CACNB4: variants seen among roughly 807,000 people sequenced by gnomAD.
CACNB4 encodes the protein voltage-dependent L-type calcium channel subunit beta-4.
CACNB4 carries 32 observed loss-of-function variants against 71.2 expected under a neutral mutation model. That is an observed-to-expected ratio of 0.45 (90% confidence interval 0.34 to 0.60). CACNB4 has a LOEUF of 0.60. Among genes scored for constraint, CACNB4 ranks in the 20% least tolerant of loss-of-function variants. CACNB4 has a pLI of 0.01. For missense variants in CACNB4, 464 were observed against 647.9 expected (o/e 0.72, Z 3.08); for synonymous variants, 231 against 236.9 (o/e 0.97, Z 0.23).
At chr2:152,063,455 C>A (rs946854880) in intron 2 of CACNB4, among the ~76,000 whole-genome samples, 2 of 152,172 alleles carry the variant, frequency 1.3e-5, no homozygotes, top group African/African-American at 4.8e-5. Context: ...AGAGTCAGAA[C>A]CTGAACCCAG....
At chr2:151,862,536 G>C (rs1270773972) in intron 9 of CACNB4, among the ~76,000 whole-genome samples, 1 of 152,190 alleles carries the variant, frequency 6.6e-6, no homozygotes, top group African/African-American at 2.4e-5. Flanking sequence ...ATACACCTCA[G>C]GGACTGTTCT....
chr2:151,937,145 C>T (rs747855719), intron 2 of CACNB4, among the ~76,000 whole-genome samples: 1 of 152,164 alleles, frequency 6.6e-6, no homozygotes, highest in Non-Finnish European at 1.5e-5. Context: ...TCATCGGAAA[C>T]CACTGAAATT....
At chr2:151,891,121 C>T (rs2099850625) in intron 2 of CACNB4, among the ~76,000 whole-genome samples, 1 of 152,054 alleles carries the variant, frequency 6.6e-6, no homozygotes, top group African/African-American at 2.4e-5. Flanking sequence ...ATTGATTTAA[C>T]AGGAAGTAAT....
intron 2 of CACNB4, among the ~76,000 whole-genome samples, chr2:151,913,875 G>T (rs10189865): frequency 3.9e-5 from 6 of 152,092 alleles, no homozygotes; most frequent in Non-Finnish European, 4.4e-5. Flanking sequence ...CTTTGCAGGT[G>T]ACCTGGCCTT....
At chr2:151,919,664 A>G (rs1374054802) in intron 2 of CACNB4, among the ~76,000 whole-genome samples, 1 of 151,742 alleles carries the variant, frequency 6.6e-6, no homozygotes, top group Non-Finnish European at 1.5e-5. Context: ...GCCTCGCCAT[A>G]CTCCCAGCCC....
chr2:151,906,930 T>C (rs1054457243), intron 2 of CACNB4, among the ~76,000 whole-genome samples: 1 of 152,242 alleles, frequency 6.6e-6, no homozygotes, highest in African/African-American at 2.4e-5. Context: ...TTTTTCAGGC[T>C]TGCTTAGTTC....
intron 2 of CACNB4, among the ~76,000 whole-genome samples, chr2:151,903,999 CA>C (rs1395294964): frequency 6.6e-6 from 1 of 151,544 alleles, no homozygotes. Context: ...GGAAGAAGGG[CA>C]AAAAAAGAAG....
At chr2:151,885,601 C>A (rs2099849161) in intron 2 of CACNB4, among the ~76,000 whole-genome samples, 1 of 152,182 alleles carries the variant, frequency 6.6e-6, no homozygotes, top group South Asian at 2.1e-4. Context: ...TGCACAATAA[C>A]CCATCTTGAA....
intron 2 of CACNB4, among the ~76,000 whole-genome samples, chr2:151,897,460 C>T (rs570062965): frequency 8.5e-5 from 13 of 152,096 alleles, no homozygotes; most frequent in African/African-American, 2.4e-4. Flanking sequence ...AGATCCAAGG[C>T]GGTCAAAGAG....
rs952337071 is a variant in CACNB4, at chr2:151,835,289, C to T, written c.*3830G>A. On this transcript the variant is annotated 3_prime_UTR_variant, in exon 14 of 14. Coordinates refer to ENST00000539935, the MANE Select transcript of CACNB4 (RefSeq NM_000726.5). ...ACCAATTCAAAGAAAACTTCACTAA[C>T]GTGGAAGAAATGAAAGGGTGCCAAA... The T allele has an allele frequency of 9.9e-5, 15 of 151,906 alleles. No individual in the cohort carries two copies. The highest frequency in any genetic ancestry group is 2.4e-4 in the African/African-American group (10 of 41,510). The allele number at this position is 151,906 out of a possible 1,614,324, so 9.4% of individuals were successfully genotyped here.
At chr2:152,077,112 A>T (rs543473278) in intron 2 of CACNB4, among the ~76,000 whole-genome samples, 69 of 152,328 alleles carry the variant, frequency 4.5e-4, no homozygotes, top group African/African-American at 1.6e-3. Flanking sequence ...GGCAGGACTA[A>T]TCTTGGCTTA....
At chr2:152,018,259 G>A (rs1258233701) in intron 2 of CACNB4, among the ~76,000 whole-genome samples, 1 of 152,076 alleles carries the variant, frequency 6.6e-6, no homozygotes, top group African/African-American at 2.4e-5. Context: ...AGCCAGCAAT[G>A]AAAGAAAGCA....
intron 2 of CACNB4, among the ~76,000 whole-genome samples, chr2:151,911,079 T>G (rs1250629292): frequency 6.6e-6 from 1 of 152,136 alleles, no homozygotes; most frequent in Admixed American, 6.5e-5. Flanking sequence ...TGAATGGGAG[T>G]TCATTCATGA....
At chr2:151,884,723 C>A (rs4637108) in intron 2 of CACNB4, among the ~76,000 whole-genome samples, 141,405 of 151,616 alleles carry the variant, frequency 0.93, 66,771 homozygotes, top group East Asian at 1. Context: ...TTGCCTCCCC[C>A]ACCGCAAAAA....
intron 2 of CACNB4, among the ~76,000 whole-genome samples, chr2:151,963,067 C>G (rs763238543): frequency 6.6e-6 from 1 of 152,056 alleles, no homozygotes; most frequent in Non-Finnish European, 1.5e-5. Flanking sequence ...AATCCCAGTA[C>G]TTTGGGAGGC....
In CACNB4 at chr2:151,918,999, C is replaced by A. The variant is rs550232655; in HGVS notation, c.148-35629G>T. Among the ~76,000 whole-genome samples, 15 of 152,178 alleles carry A rather than the reference C, an allele frequency of 9.9e-5. No homozygotes were observed. In the East Asian group the frequency reaches 2.5e-3, roughly 25 times the overall value. On this transcript the variant is annotated intron_variant, in intron 2 of 13. Transcript: ENST00000539935. ...AATGAATCCCTGTTCTCTGAAGTTCCGTAATATATGGAAGGTGTGATTTCG... is the reference window on the plus strand; with the variant it reads ...AATGAATCCCTGTTCTCTGAAGTTCAGTAATATATGGAAGGTGTGATTTCG...
At chr2:151,949,706 T>C (rs915996992) in intron 2 of CACNB4, among the ~76,000 whole-genome samples, 1 of 152,206 alleles carries the variant, frequency 6.6e-6, no homozygotes, top group Non-Finnish European at 1.5e-5. Flanking sequence ...GGAGGACTAC[T>C]GAAGGGTTTC....
At chr2:151,987,357 G>T (rs1389827716) in intron 2 of CACNB4, among the ~76,000 whole-genome samples, 1 of 152,154 alleles carries the variant, frequency 6.6e-6, no homozygotes, top group Non-Finnish European at 1.5e-5. Context: ...GGGCTTGGTT[G>T]AGTTCAGAGA....
intron 2 of CACNB4, among the ~76,000 whole-genome samples, chr2:151,904,826 C>T (rs191418091): frequency 2.0e-5 from 3 of 152,250 alleles, no homozygotes; most frequent in Non-Finnish European, 4.4e-5. Flanking sequence ...GGAGTTACCG[C>T]GCCCAGCTGA....
Sources: allele counts gnomAD v4.1 joint callset (sites outside exome capture counted in the v4.1 genomes callset), GRCh38; gene constraint gnomAD v4.1.1; transcripts MANE v1.5; gene names NCBI Gene and HGNC (gene_info 2026-07-23, HGNC 2026-07-21).